The following LY96 variants were observed in gnomAD, a reference collection of about 807,000 sequenced individuals.
LY96 encodes lymphocyte antigen 96, also known as myeloid differentiation protein-2.
In LY96, 18 loss-of-function variants were observed where a neutral mutation model predicts 18.9. That is an observed-to-expected ratio of 0.95 (90% confidence interval 0.66 to 1.41). The LOEUF (loss-of-function observed/expected upper bound fraction) is 1.41, where lower values mean the gene tolerates loss of function less well. Ranked by LOEUF, LY96 falls within the 40% of genes most tolerant of loss-of-function variation. LY96 has a pLI of 0.00. For missense variants in LY96, 175 were observed against 182.4 expected (o/e 0.96, Z 0.23); for synonymous variants, 66 against 62.6 (o/e 1.06, Z -0.26).
rs549804585 is a variant in LY96, at chr8:74,016,238, G to A, written c.331+6109G>A. ...CTGTGCATGGCTCAGTGGGTCCCAT[G>A]CCCACAGAGCCTTGCTCACTGCTAG... is the stretch of plus-strand genomic sequence containing the variant. On this transcript the variant is annotated intron_variant, in intron 3 of 4. Coordinates refer to ENST00000284818, the MANE Select transcript of LY96 (RefSeq NM_015364.5). Among the ~76,000 whole-genome samples the A allele has an allele frequency of 3.9e-5, 6 of 152,324 alleles. No homozygotes were observed. The South Asian group carries it at 1.2e-3, about 32-fold the overall frequency.
At chr8:74,048,480 C>T in the LY96 span, among the ~76,000 whole-genome samples, 4 of 152,160 alleles carry the variant, frequency 2.6e-5, no homozygotes, top group Non-Finnish European at 4.4e-5. Flanking sequence ...CTGGAGGCTC[C>T]GATGTTGGGA....
chr8:74,070,723 G>A, the LY96 span, among the ~76,000 whole-genome samples: 1 of 151,256 alleles, frequency 6.6e-6, no homozygotes, highest in African/African-American at 2.5e-5. Flanking sequence ...GTTCTCCAAT[G>A]AGCCTTGCTT....
the LY96 span, among the ~76,000 whole-genome samples, chr8:74,088,585 G>GTATT: frequency 5.9e-5 from 9 of 152,022 alleles, no homozygotes; most frequent in East Asian, 5.8e-4. Context: ...ACCCTCCTGA[G>GTATT]TATTTATTTA....
chr8:74,023,608 A>AC (rs1176951496), intron 3 of LY96, among the ~76,000 whole-genome samples: 1 of 151,836 alleles, frequency 6.6e-6, no homozygotes, highest in Non-Finnish European at 1.5e-5. Context: ...GCACTCACCT[A>AC]TGCTGCTTGC....
In LY96 at chr8:74,002,093, TTCTCTCTCTCTC is replaced by T. The variant is rs376445801; in HGVS notation, c.113-2675_113-2664del. Among the ~76,000 whole-genome samples, 228 of 38,726 alleles carry T rather than the reference TTCTCTCTCTCTC, an allele frequency of 5.9e-3. 32 individuals carry two copies. Among genetic ancestry groups the T allele is most frequent in the Admixed American group, 0.051 (140 of 2,772 alleles). The allele number at this position is 38,726 out of a possible 152,430, so 25.4% of individuals were successfully genotyped here. On this transcript the variant is annotated intron_variant, in intron 1 of 4. Transcript: ENST00000284818. The stretch of plus-strand genomic sequence containing the variant: ...TTCCTTCCTTTCTTTCTTTCTTTCT[TTCTCTCTCTCTC>T]TCTCTCTCTCTCTCTCTCTCTCTCT...
the LY96 span, among the ~76,000 whole-genome samples, chr8:74,042,794 T>TTC: frequency 1.3e-5 from 2 of 151,534 alleles, no homozygotes; most frequent in African/African-American, 4.9e-5. Flanking sequence ...TTTTTTTTTT[T>TTC]CGAGACAGAG....
At chr8:74,073,645 ATTT>A in the LY96 span, among the ~76,000 whole-genome samples, 27 of 11,764 alleles carry the variant, frequency 2.3e-3, no homozygotes, top group African/African-American at 6.8e-3. Context: ...TGATGAATTT[ATTT>A]ATTTATTTAT....
At chr8:74,042,033 TA>T in the LY96 span, among the ~76,000 whole-genome samples, 1 of 152,208 alleles carries the variant, frequency 6.6e-6, no homozygotes, top group Non-Finnish European at 1.5e-5. Flanking sequence ...GGCCCAGCTG[TA>T]AAATTCCTCT....
intron 1 of LY96, among the ~76,000 whole-genome samples, chr8:74,002,081 T>TCTCTC (rs1816302893): frequency 3.6e-5 from 1 of 27,622 alleles, no homozygotes; most frequent in African/African-American, 2.0e-4. Context: ...CTTCCTTTCT[T>TCTCTC]TCTTTCTTTC....
the LY96 span, among the ~76,000 whole-genome samples, chr8:74,082,395 G>A: frequency 2.0e-4 from 31 of 152,302 alleles, no homozygotes; most frequent in African/African-American, 6.7e-4. Context: ...TCATGTCCAC[G>A]TAAAGGCTTT....
At chr8:74,018,232 A>T (rs1327152725) in intron 3 of LY96, among the ~76,000 whole-genome samples, 1 of 151,942 alleles carries the variant, frequency 6.6e-6, no homozygotes, top group Non-Finnish European at 1.5e-5. Flanking sequence ...GGAAAGCAAA[A>T]AAAAATAAAA....
chr8:74,053,660 T>C, the LY96 span, among the ~76,000 whole-genome samples: 2 of 152,256 alleles, frequency 1.3e-5, no homozygotes, highest in African/African-American at 4.8e-5. Flanking sequence ...TATTAGGATG[T>C]GTTCAGTTGT....
At chr8:74,053,876 G>T in the LY96 span, among the ~76,000 whole-genome samples, 1 of 152,174 alleles carries the variant, frequency 6.6e-6, no homozygotes, top group Non-Finnish European at 1.5e-5. Flanking sequence ...AGAGAAATCT[G>T]ATTTGACTTG....
the LY96 span, among the ~76,000 whole-genome samples, chr8:74,034,390 T>C: frequency 6.6e-6 from 1 of 152,048 alleles, no homozygotes; most frequent in Non-Finnish European, 1.5e-5. Flanking sequence ...AAAAAAATTC[T>C]TTAATAGAAA....
intron 1 of LY96, among the ~76,000 whole-genome samples, chr8:73,999,380 C>G (rs958943484): frequency 5.3e-5 from 8 of 152,018 alleles, no homozygotes; most frequent in African/African-American, 1.2e-4. Context: ...ATCTTCCCAC[C>G]TCAGCCTCCT....
the LY96 span, among the ~76,000 whole-genome samples, chr8:74,057,551 A>T: frequency 0.014 from 2,160 of 152,270 alleles, 84 homozygotes; most frequent in Admixed American, 0.077. Context: ...GGCTCTTCAA[A>T]CACAGCCATG....
At chr8:74,026,406 T>C (rs976680382) in intron 3 of LY96, among the ~76,000 whole-genome samples, 2 of 152,278 alleles carry the variant, frequency 1.3e-5, no homozygotes, top group African/African-American at 4.8e-5. Context: ...ATATCTCATC[T>C]GTCTTTGCAA....
intron 2 of LY96, among the ~76,000 whole-genome samples, chr8:74,009,395 AAAAAGAAG>A (rs1816483242): frequency 6.8e-6 from 1 of 147,302 alleles, no homozygotes. Flanking sequence ...AAAAAAAAAA[AAAAAGAAG>A]AAAAGAAAAG....
chr8:74,014,593 G>A (rs748607423), intron 3 of LY96, among the ~76,000 whole-genome samples: 5 of 151,428 alleles, frequency 3.3e-5, no homozygotes, highest in Admixed American at 2.0e-4. Context: ...TGGCAGCTGA[G>A]TATGTGGGCC....
Sources: gnomAD v4.1 joint callset for allele counts (sites outside exome capture counted in the v4.1 genomes callset) on GRCh38, gnomAD v4.1.1 for gene constraint, MANE v1.5 for transcripts, NCBI Gene and HGNC (gene_info 2026-07-23, HGNC 2026-07-21) for gene names.